ZNF462: variants seen among roughly 807,000 people sequenced by gnomAD.
The protein encoded by ZNF462 is zinc finger PBX1-interacting protein.
ZNF462 carries 10 observed loss-of-function variants against 201.9 expected under a neutral mutation model. The ratio of observed to expected loss-of-function variants is 0.05; its 90% CI spans 0.03 to 0.08. ZNF462 has a LOEUF of 0.08. Among genes scored for constraint, ZNF462 ranks in the 10% least tolerant of loss-of-function variants. ZNF462 has a pLI of 1.00. For missense variants in ZNF462, 2,523 were observed against 3,168.3 expected, an observed-to-expected ratio of 0.80 and a Z score of 4.89; for synonymous variants, 1,227 against 1,193.3, an observed-to-expected ratio of 1.03 and a Z score of -0.58.
chr9:106,869,418 G>A (rs1263904615), intron 1 of ZNF462, among the ~76,000 whole-genome samples: 1 of 152,138 alleles, frequency 6.6e-6, no homozygotes, highest in Non-Finnish European at 1.5e-5. Context: ...ATGAGCAATG[G>A]GACAGTCCTG....
chr9:106,900,242 GTGTGTGTGTGTA>G (rs1213105896), intron 1 of ZNF462, among the ~76,000 whole-genome samples: 1 of 140,624 alleles, frequency 7.1e-6, no homozygotes, highest in African/African-American at 2.7e-5. Flanking sequence ...GTGTGTGTGT[GTGTGTGTGTGTA>G]TCTCACAGTT....
rs182282834 is a variant in ZNF462 at position 106,950,250 on chromosome 9, A to G, written c.6427+11143A>G. On this transcript the variant is annotated intron_variant, in intron 7 of 12. Coordinates refer to ENST00000277225, the MANE Select transcript of ZNF462 (RefSeq NM_021224.6). The surrounding 1 kb of genome is among the most constrained non-coding windows in gnomAD (Gnocchi z 4.1). Reference sequence around the variant, plus strand: ...TTTGAGCTGAGTCAGACTTATCCCTATGTAATGTCAGTTTACACCTAAGTA... The same window carrying G: ...TTTGAGCTGAGTCAGACTTATCCCTGTGTAATGTCAGTTTACACCTAAGTA... Among the ~76,000 whole-genome samples, 3 of 152,334 alleles carry G rather than the reference A, an allele frequency of 2.0e-5. No homozygotes were observed. The highest frequency in any genetic ancestry group is 6.5e-5 in the Admixed American group (1 of 15,294).
In ZNF462 at chr9:106,974,033, G is replaced by A; in HGVS notation, c.6696-104G>A. The A allele has an allele frequency of 2.7e-6, 4 of 1,461,526 alleles. No individual in the cohort carries two copies. The highest frequency in any genetic ancestry group is 3.7e-6 in the Non-Finnish European group (4 of 1,071,482). 90.5% of individuals were successfully genotyped at this position (1,461,526 alleles called of 1,614,324 possible). ...GATTTTTTTTTAGCCCCACAAGCAG[G>A]AGAGCCGCACTTGGACATATATAAC... is the stretch of plus-strand genomic sequence containing the variant. On this transcript the variant is annotated intron_variant, in intron 8 of 12. Transcript: ENST00000277225. The surrounding 1 kb of genome is among the most constrained non-coding windows in gnomAD (Gnocchi z 4.0).
chr9:106,946,169 T>G (rs1366801491), intron 7 of ZNF462, among the ~76,000 whole-genome samples: 1 of 152,208 alleles, frequency 6.6e-6, no homozygotes, highest in Non-Finnish European at 1.5e-5. Context: ...CCAGCAACAC[T>G]GGAGTTTGCT....
Position 106,886,553 on chromosome 9 carries a change from A to G in ZNF462, c.-31+23198A>G, listed in dbSNP as rs1828327743. On this transcript the variant is annotated intron_variant, in intron 1 of 12. Transcript: ENST00000277225. This position sits in a 1 kb window ranked among gnomAD's most constrained non-coding sequence, Gnocchi z 4.6. ...ATGTCAGCTACAAAAAAAATAGAAG[A>G]GATAGGGTCTGAAAAGGAAGGAGCT... Among the ~76,000 whole-genome samples the G allele has an allele frequency of 1.3e-5, 2 of 152,144 alleles. No homozygotes were observed. Among genetic ancestry groups the G allele is most frequent in the Non-Finnish European group, 2.9e-5 (2 of 68,026 alleles).
Position 106,962,014 on chromosome 9 carries a change from G to A in ZNF462, c.6428-9991G>A, listed in dbSNP as rs565096599. On this transcript the variant is annotated intron_variant, in intron 7 of 12. Coordinates refer to ENST00000277225, the MANE Select transcript of ZNF462 (RefSeq NM_021224.6). This position sits in a 1 kb window ranked among gnomAD's most constrained non-coding sequence, Gnocchi z 4.6. ...CAGTGTGGGCAAGGGAGTGAGGATC[G>A]GCCTGGAAAGATGAAGGAGAGTGTG... Among the ~76,000 whole-genome samples, 199 of 152,126 alleles carry A rather than the reference G, an allele frequency of 1.3e-3. 3 individuals carry two copies. Among genetic ancestry groups the A allele is most frequent in the African/African-American group, 4.6e-3 (191 of 41,522 alleles).
rs973198913 is a variant in ZNF462, at chr9:106,963,547, C to T, written c.6428-8458C>T. Among the ~76,000 whole-genome samples, 8 of 151,990 alleles carry T rather than the reference C, an allele frequency of 5.3e-5. No individual in the cohort carries two copies. The highest frequency in any genetic ancestry group is 8.8e-5 in the Non-Finnish European group (6 of 67,972). On this transcript the variant is annotated intron_variant, in intron 7 of 12. Coordinates refer to ENST00000277225, the MANE Select transcript of ZNF462 (RefSeq NM_021224.6). This position sits in a 1 kb window ranked among gnomAD's most constrained non-coding sequence, Gnocchi z 4.7. ...CAATGCCTTGTGTGCCTGTATAGCA[C>T]GGCTGTCCACAAATTCAATCTAATG...
At chr9:106,959,955 T>A (rs1400485135) in intron 7 of ZNF462, among the ~76,000 whole-genome samples, 4 of 151,928 alleles carry the variant, frequency 2.6e-5, no homozygotes, top group African/African-American at 9.7e-5. Context: ...TAACGGTGAT[T>A]AAAAATATAG....
At chr9:106,959,482 A>G (rs1226989551) in intron 7 of ZNF462, among the ~76,000 whole-genome samples, 2 of 152,070 alleles carry the variant, frequency 1.3e-5, no homozygotes, top group East Asian at 1.9e-4. Context: ...AGCACTCACT[A>G]TGTGCCAGTC....
In ZNF462 at chr9:107,013,130, AAG is replaced by A. The variant is rs1830019166; in HGVS notation, c.*2102_*2103del. ...AAAAGAAAGAAAAAGGAAAAAAAAA[AAG>A]AAAATAATTGTGACATGCTTTTATC... On this transcript the variant is annotated 3_prime_UTR_variant, in exon 13 of 13. Coordinates refer to ENST00000277225, the MANE Select transcript of ZNF462 (RefSeq NM_021224.6). The A allele has an allele frequency of 1.3e-5, 2 of 152,162 alleles. No homozygotes were observed. The highest frequency in any genetic ancestry group is 2.1e-4 in the South Asian group (1 of 4,828). 9.4% of individuals were successfully genotyped at this position (152,162 alleles called of 1,614,324 possible). A position where few individuals can be genotyped will look rare whatever the true frequency, so the allele number is the denominator to read the frequency against.
intron 7 of ZNF462, among the ~76,000 whole-genome samples, chr9:106,964,626 G>A (rs1045543349): frequency 6.6e-6 from 1 of 151,978 alleles, no homozygotes; most frequent in Admixed American, 6.6e-5. Flanking sequence ...AGATTTTTAT[G>A]TTCTCAATCT....
intron 11 of ZNF462, among the ~76,000 whole-genome samples, chr9:107,007,759 G>A (rs1032049131): frequency 3.3e-5 from 5 of 152,166 alleles, no homozygotes; most frequent in Admixed American, 6.5e-5. Context: ...GGTGGCTTGC[G>A]TGCAGCTCTC....
At position 106,939,109 on chromosome 9, in the gene ZNF462, T is replaced by TA; in HGVS notation, c.6427+7dup. 1 of 1,582,104 alleles carries TA rather than the reference T, an allele frequency of 6.3e-7. No individual in the cohort carries two copies. The highest frequency in any genetic ancestry group is 1.2e-5 in the South Asian group (1 of 86,148). On this transcript the variant is annotated splice_region_variant and intron_variant, in intron 7 of 12. Coordinates refer to ENST00000277225, the MANE Select transcript of ZNF462 (RefSeq NM_021224.6). The stretch of plus-strand genomic sequence containing the variant: ...CTGAAGAAGTGGAAGACTCCAATGG[T>TA]AAAAATGGGCTTCCAAGCTGGAATT...
In ZNF462 at chr9:106,932,382, G is replaced by C; in HGVS notation, c.6013-64G>C. ...ACTGCTTGCTTGATGGAATGTTGGA[G>C]GATGAAACCCGGCCGGGGGGATACC... On this transcript the variant is annotated intron_variant, in intron 4 of 12. Transcript: ENST00000277225. The surrounding 1 kb of genome is among the most constrained non-coding windows in gnomAD (Gnocchi z 6.8). The C allele has an allele frequency of 6.2e-7, 1 of 1,610,174 alleles. No individual in the cohort carries two copies. The highest frequency in any genetic ancestry group is 8.5e-7 in the Non-Finnish European group (1 of 1,178,114).
intron 1 of ZNF462, among the ~76,000 whole-genome samples, chr9:106,911,888 G>A (rs114943288): frequency 9.4e-4 from 143 of 152,208 alleles, no homozygotes; most frequent in African/African-American, 3.2e-3. Context: ...AATAAAGAAT[G>A]GATAAAGATA....
chr9:106,939,165 C>T (rs1564119102), intron 7 of ZNF462, 58 bp downstream of exon 7: 1 of 1,401,180 alleles, frequency 7.1e-7, no homozygotes. Context: ...GGCTGGGATT[C>T]ATTGCCAATC....
rs74967571 is a variant in ZNF462, at chr9:106,873,333, T to A, written c.-31+9978T>A. 5.7e-3 allele frequency among the ~76,000 whole-genome samples: 860 copies of A among 151,994 alleles called. 4 individuals carry two copies. Among genetic ancestry groups the A allele is most frequent in the African/African-American group, 0.019 (788 of 41,442 alleles). The stretch of plus-strand genomic sequence containing the variant: ...GCAAGACACCATGTAGGGGACACTT[T>A]AGGAAATAAACATTTTAAAATTATA... On this transcript the variant is annotated intron_variant, in intron 1 of 12. Transcript: ENST00000277225.
intron 1 of ZNF462, among the ~76,000 whole-genome samples, chr9:106,900,641 T>C (rs1389514371): frequency 1.3e-5 from 2 of 152,198 alleles, no homozygotes; most frequent in Non-Finnish European, 2.9e-5. Context: ...TGATCATTAG[T>C]GATGTTGAGC....
At chr9:106,944,697 C>A (rs1484721659) in intron 7 of ZNF462, among the ~76,000 whole-genome samples, 1 of 152,130 alleles carries the variant, frequency 6.6e-6, no homozygotes, top group Non-Finnish European at 1.5e-5. Context: ...AATTGTGTAT[C>A]TATTTACCAC....
Sources: allele counts gnomAD v4.1 joint callset (sites outside exome capture counted in the v4.1 genomes callset), GRCh38; gene constraint gnomAD v4.1.1; non-coding constraint Gnocchi (gnomAD v3.1); transcripts MANE v1.5; gene names NCBI Gene and HGNC (gene_info 2026-07-23, HGNC 2026-07-21).